Variants in AGMO observed in about 807,000 individuals in gnomAD.
AGMO encodes the protein glyceryl-ether monooxygenase.
In AGMO, 75 loss-of-function variants were observed where a neutral mutation model predicts 60.2. The ratio of observed to expected loss-of-function variants is 1.25; its 90% confidence interval spans 1.03 to 1.51. The LOEUF (loss-of-function observed/expected upper bound fraction) is 1.51, where lower values mean the gene tolerates loss of function less well. Ranked by LOEUF, AGMO falls within the 40% of genes most tolerant of loss-of-function variation. The probability of loss-of-function intolerance (pLI) is 0.00; values close to 1 mark genes in which losing one functional copy is unlikely to be tolerated. For missense variants in AGMO, 763 were observed against 525.5 expected, an observed-to-expected ratio of 1.45 and a Z score of -4.42; for synonymous variants, 261 against 177.1, an observed-to-expected ratio of 1.47 and a Z score of -3.76.
At chr7:15,218,327 A>ATG (rs138890087) in intron 12 of AGMO, among the ~76,000 whole-genome samples, 14,787 of 143,654 alleles carry the variant, frequency 0.1, 746 homozygotes, top group African/African-American at 0.14. Flanking sequence ...TGGTGTGTGT[A>ATG]TGTGTGTGTG....
chr7:15,164,210 G>C, the AGMO span, among the ~76,000 whole-genome samples: 2 of 152,004 alleles, frequency 1.3e-5, no homozygotes, highest in Non-Finnish European at 2.9e-5. Context: ...GAATGAGCTT[G>C]ACCCCTATCT....
In AGMO at chr7:15,419,521, T is replaced by C. The variant is rs1255124965; in HGVS notation, c.514-868A>G. The stretch of plus-strand genomic sequence containing the variant: ...GTTTTAAAAATATTTCTTCTGAGTA[T>C]TATAATTTTATTTTAAAGTTATTTT... On this transcript the variant is annotated intron_variant, in intron 4 of 12. Coordinates refer to ENST00000342526, the MANE Select transcript of AGMO (RefSeq NM_001004320.2). Among the ~76,000 whole-genome samples, 6 of 152,200 alleles carry C rather than the reference T, an allele frequency of 3.9e-5. No homozygotes were observed. In the East Asian group the frequency reaches 1.2e-3, roughly 29 times the overall value.
chr7:15,391,855 T>C (rs879300607), intron 6 of AGMO, among the ~76,000 whole-genome samples: 19 of 152,128 alleles, frequency 1.2e-4, no homozygotes, highest in Admixed American at 1.2e-3. Flanking sequence ...TGACATCTAA[T>C]GGGTGGGGGC....
At chr7:15,543,450 A>T (rs1340540732) in intron 3 of AGMO, among the ~76,000 whole-genome samples, 1 of 152,164 alleles carries the variant, frequency 6.6e-6, no homozygotes, top group Non-Finnish European at 1.5e-5. Flanking sequence ...GCTTTTGCAG[A>T]TGAGACATTT....
intron 10 of AGMO, among the ~76,000 whole-genome samples, chr7:15,372,908 A>G (rs1051460262): frequency 6.6e-6 from 1 of 152,136 alleles, no homozygotes; most frequent in Non-Finnish European, 1.5e-5. Flanking sequence ...AGCATTTGGG[A>G]AAGATCATAA....
intron 10 of AGMO, among the ~76,000 whole-genome samples, chr7:15,373,172 G>A (rs1227595097): frequency 1.3e-5 from 2 of 151,986 alleles, no homozygotes; most frequent in Non-Finnish European, 2.9e-5. Context: ...CAGCTACTTG[G>A]GAGGTTAAGG....
intron 4 of AGMO, among the ~76,000 whole-genome samples, chr7:15,425,755 T>C (rs190230518): frequency 3.1e-3 from 467 of 152,270 alleles, no homozygotes; most frequent in Non-Finnish European, 4.2e-3. Flanking sequence ...GTATTTATTT[T>C]TTCTGATGGT....
Position 15,546,114 on chromosome 7 carries a change from T to C in AGMO, c.258-1191A>G, listed in dbSNP as rs189272520. 4.5e-3 allele frequency among the ~76,000 whole-genome samples: 691 copies of C among 152,282 alleles called. 4 individuals are homozygous for C. The highest frequency in any genetic ancestry group is 5.8e-3 in the Non-Finnish European group (395 of 68,024). The stretch of plus-strand genomic sequence containing the variant: ...TTAAAGATCCAGCCCTTTAATTTTA[T>C]TCTTGAATTTAATTATTGTATGACT... On this transcript the variant is annotated intron_variant, in intron 2 of 12. Coordinates refer to ENST00000342526, the MANE Select transcript of AGMO (RefSeq NM_001004320.2).
chr7:15,420,307 A>G (rs1051736432), intron 4 of AGMO, among the ~76,000 whole-genome samples: 5 of 152,112 alleles, frequency 3.3e-5, no homozygotes, highest in African/African-American at 9.7e-5. Context: ...CAAGTCTATT[A>G]GCACACAGAA....
chr7:15,303,630 G>C (rs1003989136), intron 12 of AGMO, among the ~76,000 whole-genome samples: 2 of 152,106 alleles, frequency 1.3e-5, no homozygotes, highest in African/African-American at 4.8e-5. Flanking sequence ...GTTAGAAAAA[G>C]TGAGAGAGTT....
intron 12 of AGMO, among the ~76,000 whole-genome samples, chr7:15,329,861 T>C (rs1781449205): frequency 6.6e-6 from 1 of 152,042 alleles, no homozygotes; most frequent in African/African-American, 2.4e-5. Flanking sequence ...CATCCTTACT[T>C]TGTTGGGTTT....
intron 3 of AGMO, among the ~76,000 whole-genome samples, chr7:15,443,245 G>GCA (rs1324045548): frequency 6.6e-6 from 1 of 152,138 alleles, no homozygotes; most frequent in Non-Finnish European, 1.5e-5. Context: ...AACTAAAAGG[G>GCA]CACATGGTAA....
chr7:15,413,990 G>T (rs1780685684), intron 5 of AGMO, among the ~76,000 whole-genome samples: 1 of 151,964 alleles, frequency 6.6e-6, no homozygotes, highest in East Asian at 1.9e-4. Context: ...ACAATATTTT[G>T]GGATTTATTT....
chr7:15,342,669 A>C (rs973426834), intron 12 of AGMO, among the ~76,000 whole-genome samples: 1 of 150,914 alleles, frequency 6.6e-6, no homozygotes, highest in African/African-American at 2.4e-5. Flanking sequence ...GTGTGTGTGT[A>C]AAAGCTTGTT....
the AGMO span, among the ~76,000 whole-genome samples, chr7:15,172,821 C>T: frequency 1.3e-5 from 2 of 152,066 alleles, no homozygotes; most frequent in East Asian, 3.9e-4. Context: ...GTGGGGAGAG[C>T]TCATGGAAGA....
At chr7:15,184,146 G>A in the AGMO span, among the ~76,000 whole-genome samples, 9 of 151,886 alleles carry the variant, frequency 5.9e-5, no homozygotes, top group South Asian at 1.9e-3. Context: ...CTCAAAAACC[G>A]GAGTGCTCAT....
At chr7:15,388,129 G>C (rs1783999894) in intron 8 of AGMO, among the ~76,000 whole-genome samples, 1 of 151,936 alleles carries the variant, frequency 6.6e-6, no homozygotes, top group Non-Finnish European at 1.5e-5. Context: ...CAGAATTTGT[G>C]ATTTTGCTAG....
intron 12 of AGMO, among the ~76,000 whole-genome samples, chr7:15,233,544 A>G (rs1363974882): frequency 6.6e-6 from 1 of 150,554 alleles, no homozygotes; most frequent in East Asian, 1.9e-4. Flanking sequence ...ATGGTTACAG[A>G]GAGTTGTTTT....
At chr7:15,169,160 A>T in the AGMO span, among the ~76,000 whole-genome samples, 1 of 152,190 alleles carries the variant, frequency 6.6e-6, no homozygotes, top group Non-Finnish European at 1.5e-5. Flanking sequence ...GAAGTCCCTG[A>T]TTGACTTTAG....
Sources: gnomAD v4.1 joint callset for allele counts (sites outside exome capture counted in the v4.1 genomes callset) on GRCh38, gnomAD v4.1.1 for gene constraint, MANE v1.5 for transcripts, NCBI Gene and HGNC (gene_info 2026-07-23, HGNC 2026-07-21) for gene names.